CDK18: variants seen among roughly 807,000 people sequenced by gnomAD.
CDK18 encodes cyclin-dependent kinase 18.
CDK18 carries 52 observed loss-of-function variants against 62.0 expected under a neutral mutation model. The ratio of observed to expected loss-of-function variants is 0.84; its 90% CI spans 0.67 to 1.06. The LOEUF (loss-of-function observed/expected upper bound fraction) is 1.06, where lower values mean the gene tolerates loss of function less well. Ranked by LOEUF, CDK18 falls within the 50% of genes least tolerant of loss-of-function variation. The pLI is 0.00. For missense variants in CDK18, 604 were observed against 619.9 expected, an observed-to-expected ratio of 0.97 and a Z score of 0.27; for synonymous variants, 237 against 247.0, an observed-to-expected ratio of 0.96 and a Z score of 0.38.
intron 1 of CDK18, among the ~76,000 whole-genome samples, chr1:205,519,596 G>T (rs559751011): frequency 6.6e-6 from 1 of 152,288 alleles, no homozygotes; most frequent in South Asian, 2.1e-4. Flanking sequence ...GTGGAGAACA[G>T]CTGGTCCCCA....
rs762443601 is a variant in CDK18, at chr1:205,528,191, G to A, written c.974+23G>A. 15 of 1,611,966 alleles carry A rather than the reference G, an allele frequency of 9.3e-6. No homozygotes were observed. The highest frequency in any genetic ancestry group is 1.3e-5 in the Non-Finnish European group (15 of 1,179,528). ...GTGGTGAGTGAGCACTGTGGGGACC[G>A]AGGAGGGGAGGACAGGCCTGGCCAC... On this transcript the variant is annotated intron_variant, in intron 10 of 15. Coordinates refer to ENST00000429964, the MANE Select transcript of CDK18 (RefSeq NM_212502.3). This position sits in a 1 kb window ranked among gnomAD's most constrained non-coding sequence, Gnocchi z 4.2.
chr1:205,509,706 C>A (rs1667475092), intron 1 of CDK18, among the ~76,000 whole-genome samples: 1 of 152,114 alleles, frequency 6.6e-6, no homozygotes, highest in Non-Finnish European at 1.5e-5. Context: ...CCTTTGGCCC[C>A]ACTTGATATT....
At chr1:205,509,683 G>T (rs1021518188) in intron 1 of CDK18, among the ~76,000 whole-genome samples, 2 of 152,158 alleles carry the variant, frequency 1.3e-5, no homozygotes, top group Admixed American at 6.5e-5. Context: ...GCTACATTTG[G>T]TAGTTCTCAG....
chr1:205,519,806 C>T (rs991853160), intron 1 of CDK18, among the ~76,000 whole-genome samples: 7 of 151,704 alleles, frequency 4.6e-5, no homozygotes, highest in Middle Eastern at 3.6e-3. Context: ...GCCTCCTTCC[C>T]GGAGGCTTTT....
chr1:205,530,069 G>A (rs1668659995), intron 13 of CDK18, 190 bp from the exon 14 acceptor site: 3 of 1,428,722 alleles, frequency 2.1e-6, no homozygotes, highest in Admixed American at 5.8e-5. Flanking sequence ...TGGAGACCGA[G>A]GAGCCTTCCC....
intron 1 of CDK18, among the ~76,000 whole-genome samples, chr1:205,510,859 G>T (rs912747611): frequency 2.0e-5 from 3 of 152,254 alleles, no homozygotes; most frequent in Non-Finnish European, 4.4e-5. Context: ...CTGCTAACAA[G>T]GTGAGCTGTG....
At position 205,527,927 on chromosome 1, in the gene CDK18, G is replaced by A; in HGVS notation, c.853+10G>A. The A allele has an allele frequency of 6.2e-7, 1 of 1,614,078 alleles. No homozygotes were observed. On this transcript the variant is annotated intron_variant, in intron 9 of 15. Coordinates refer to ENST00000429964, the MANE Select transcript of CDK18 (RefSeq NM_212502.3). The surrounding 1 kb of genome is among the most constrained non-coding windows in gnomAD (Gnocchi z 4.1). ...AAGCTGGCCGACTTTGGTGAGGCTG[G>A]GGCTAGGGTGGGGGTCTGACGCTAC...
chr1:205,506,716 G>A (rs867212155), intron 1 of CDK18, among the ~76,000 whole-genome samples: 4 of 152,262 alleles, frequency 2.6e-5, no homozygotes, highest in Middle Eastern at 6.8e-3. Context: ...GGGAGGTTCC[G>A]GCCCACTCTG....
Position 205,527,899 on chromosome 1 carries a change from C to T in CDK18, c.835C>T (p.Leu279=). 2.5e-6 allele frequency: 4 copies of T among 1,614,128 alleles called. No individual in the cohort carries two copies. The highest frequency in any genetic ancestry group is 3.4e-6 in the Non-Finnish European group (4 of 1,180,008). The change falls in exon 9 of 16, where the codon CTG becomes TTG. Residue 279 remains leucine (L), a synonymous_variant. Coordinates refer to ENST00000429964, the MANE Select transcript of CDK18 (RefSeq NM_212502.3). This position sits in a 1 kb window ranked among gnomAD's most constrained non-coding sequence, Gnocchi z 4.1. The part of the protein sequence containing the change: ...QNLLINERGE[L]KLADFGLARA... ...CCTGCTCATCAACGAGAGGGGGGAG[C>T]TGAAGCTGGCCGACTTTGGTGAGGC...
rs1462641515 is a variant in CDK18, at chr1:205,530,651, G to A, written c.1336G>A (p.Glu446Lys). ...EDTASIFSLKEIQLQKDPGYR... is the reference protein window; with the variant it reads ...EDTASIFSLKKIQLQKDPGYR... ...AGCTGCCTCCATCTTCTCCCTGAAG[G>A]AGATCCAGCTCCAGAAGGACCCAGG... Residue 446 changes from glutamate (E) to lysine (K), a missense_variant, in exon 15 of 16, where the codon GAG becomes AAG. Physicochemically the swap from Glu to Lys is moderately conservative, Grantham distance 56. Coordinates refer to ENST00000429964, the MANE Select transcript of CDK18 (RefSeq NM_212502.3). 1.2e-6 allele frequency: 2 copies of A among 1,613,848 alleles called. No individual in the cohort carries two copies. Among genetic ancestry groups the A allele is most frequent in the East Asian group, 2.2e-5 (1 of 44,896 alleles).
chr1:205,519,733 T>C (rs1668019786), intron 1 of CDK18, among the ~76,000 whole-genome samples: 1 of 152,110 alleles, frequency 6.6e-6, no homozygotes. Flanking sequence ...TGCTCCTCAC[T>C]GAACCTTAGG....
intron 1 of CDK18, among the ~76,000 whole-genome samples, chr1:205,520,845 C>A (rs1668086120): frequency 6.6e-6 from 1 of 152,220 alleles, no homozygotes. Flanking sequence ...CCCCCTGCCA[C>A]CATCATGAAG....
Position 205,531,905 on chromosome 1 carries a change from G to A in CDK18, c.*527G>A. 6.0e-6 allele frequency: 1 copy of A among 167,260 alleles called. No homozygotes were observed. Among genetic ancestry groups the A allele is most frequent in the Non-Finnish European group, 1.3e-5 (1 of 76,404 alleles). The allele number at this position is 167,260 out of a possible 1,614,324, so 10.4% of individuals were successfully genotyped here. On this transcript the variant is annotated 3_prime_UTR_variant, in exon 16 of 16. Transcript: ENST00000429964. ...ACCCTGGAATCCTAGGTACCCACATGTGTGCCAAAGCCTACCCCACCTGGC... is the reference window on the plus strand; with the variant it reads ...ACCCTGGAATCCTAGGTACCCACATATGTGCCAAAGCCTACCCCACCTGGC...
Position 205,529,366 on chromosome 1 carries a change from C to CT in CDK18, c.1116dup (p.Glu373Ter). ...ACGTGGCCCGGCGTGACCGCCTTCT[C>CT]TGAGTTCCGCACCTACAGCTTCCCC... On this transcript the variant is annotated frameshift_variant, in exon 12 of 16. Transcript: ENST00000429964. LOFTEE classifies it high-confidence loss of function. 1.9e-6 allele frequency: 3 copies of CT among 1,614,070 alleles called. No individual in the cohort carries two copies. The highest frequency in any genetic ancestry group is 2.5e-6 in the Non-Finnish European group (3 of 1,179,960).
chr1:205,505,845 G>A (rs945580073), intron 1 of CDK18, among the ~76,000 whole-genome samples: 2 of 152,146 alleles, frequency 1.3e-5, no homozygotes, highest in Non-Finnish European at 2.9e-5. Context: ...CACTGTGGGA[G>A]TGAGAGGCCC....
Position 205,517,837 on chromosome 1 carries a change from C to A in CDK18, c.-21-5310C>A, listed in dbSNP as rs535518401. On this transcript the variant is annotated intron_variant, in intron 1 of 15. Transcript: ENST00000429964. The surrounding 1 kb of genome is among the most constrained non-coding windows in gnomAD (Gnocchi z 4.1). ...TCCTGCCCGGGCTCCCTGCTCTCCC[C>A]TTGCTCCCCTTGTCTGTTCTCAACA... Among the ~76,000 whole-genome samples, 1 of 152,096 alleles carries A rather than the reference C, an allele frequency of 6.6e-6. No individual in the cohort carries two copies. The highest frequency in any genetic ancestry group is 2.4e-5 in the African/African-American group (1 of 41,386).
rs997752738 is a variant in CDK18 at position 205,528,249 on chromosome 1, C to T, written c.974+81C>T. On this transcript the variant is annotated intron_variant, in intron 10 of 15. Coordinates refer to ENST00000429964, the MANE Select transcript of CDK18 (RefSeq NM_212502.3). The surrounding 1 kb of genome is among the most constrained non-coding windows in gnomAD (Gnocchi z 4.2). ...GACTCTCCTTTGCTTCCCCAAGGGC[C>T]TCGGGGAAGAACTGCCTAACTTCCT... The T allele has an allele frequency of 7.8e-6, 12 of 1,533,988 alleles. No homozygotes were observed. In the Admixed American group the frequency reaches 9.2e-5, roughly 12 times the overall value.
In CDK18 at chr1:205,527,769, C is replaced by A; in HGVS notation, c.730-25C>A. On this transcript the variant is annotated intron_variant, in intron 8 of 15. Coordinates refer to ENST00000429964, the MANE Select transcript of CDK18 (RefSeq NM_212502.3). The surrounding 1 kb of genome is among the most constrained non-coding windows in gnomAD (Gnocchi z 4.1). ...AGAGGCTCAGGGCCACCTTCCACCC[C>A]ACATTTCTCTTCCCCCTCCCCCAGA... The A allele has an allele frequency of 6.2e-7, 1 of 1,612,352 alleles. No individual in the cohort carries two copies. The highest frequency in any genetic ancestry group is 1.1e-5 in the South Asian group (1 of 90,802).
Position 205,516,057 on chromosome 1 carries a change from G to A in CDK18, c.-21-7090G>A, listed in dbSNP as rs1375039561. The stretch of plus-strand genomic sequence containing the variant: ...CCCCAAGGCTTCTGCTGCTGACGCC[G>A]CCACAGCTCCAGGCAGCTAAGGGGT... On this transcript the variant is annotated intron_variant, in intron 1 of 15. Transcript: ENST00000429964. The surrounding 1 kb of genome is among the most constrained non-coding windows in gnomAD (Gnocchi z 4.8). Among the ~76,000 whole-genome samples the A allele has an allele frequency of 1.3e-5, 2 of 152,148 alleles. No homozygotes were observed. The highest frequency in any genetic ancestry group is 4.8e-5 in the African/African-American group (2 of 41,428).
Sources: gnomAD v4.1 joint callset for allele counts (sites outside exome capture counted in the v4.1 genomes callset) on GRCh38, gnomAD v4.1.1 for gene constraint, Gnocchi (gnomAD v3.1) non-coding constraint, MANE v1.5 for transcripts, NCBI Gene and HGNC (gene_info 2026-07-23, HGNC 2026-07-21) for gene names.